ADGRG6: variants seen among roughly 807,000 people sequenced by gnomAD.
ADGRG6 encodes the protein G-protein coupled receptor 126.
A neutral mutation model predicts 142.4 loss-of-function variants in ADGRG6; 84 were observed. The observed-to-expected ratio is 0.59, with a 90% CI of 0.49 to 0.71. ADGRG6 has a LOEUF of 0.71. ADGRG6 is among the 30% of genes least tolerant of loss of function. The pLI is 0.00. For missense variants in ADGRG6, 1,367 were observed against 1,466.6 expected, an observed-to-expected ratio of 0.93 and a Z score of 1.11; for synonymous variants, 521 against 520.5, an observed-to-expected ratio of 1.00 and a Z score of -0.01.
At chr6:142,315,465 A>T (rs1778000071) in intron 2 of ADGRG6, among the ~76,000 whole-genome samples, 1 of 152,082 alleles carries the variant, frequency 6.6e-6, no homozygotes, top group Non-Finnish European at 1.5e-5. Context: ...ATGGGGAGGA[A>T]GGTTTTGAGG....
intron 4 of ADGRG6, among the ~76,000 whole-genome samples, chr6:142,377,078 AT>A (rs1562349931): frequency 6.6e-6 from 1 of 152,032 alleles, no homozygotes; most frequent in Admixed American, 6.6e-5. Flanking sequence ...CAGTGATTAC[AT>A]TTTTTTCAAG....
intron 2 of ADGRG6, among the ~76,000 whole-genome samples, chr6:142,324,813 T>C (rs1273584412): frequency 6.6e-6 from 1 of 152,108 alleles, no homozygotes. Flanking sequence ...CCCTTATTGT[T>C]AGTGCCTACA....
chr6:142,370,536 A>T lies in ADGRG6; in HGVS notation c.812A>T (p.Asn271Ile), dbSNP rs1781189955. 1.2e-6 allele frequency: 2 copies of T among 1,613,570 alleles called. No homozygotes were observed. The highest frequency in any genetic ancestry group is 3.3e-5 in the Admixed American group (2 of 60,000). ...LGSIGVNFKR[N>I]YETVPCDSTI... ...TCTATTGGTGTAAATTTCAAAAGAA[A>T]CTATGAAACAGTTCCATGTGATTCT... Residue 271 changes from asparagine to isoleucine, a missense_variant, in exon 4 of 25, where the codon AAC (asparagine) becomes ATC (isoleucine). By Grantham distance (149) the Asn-to-Ile change is moderately radical. Around this residue, in one of 3 missense-constraint regions of ADGRG6, gnomAD observed 737 missense variants for 746.5 expected, o/e 0.99. Transcript: ENST00000367609.
At chr6:142,374,012 A>G (rs577636040) in intron 4 of ADGRG6, among the ~76,000 whole-genome samples, 3 of 148,202 alleles carry the variant, frequency 2.0e-5, no homozygotes, top group Non-Finnish European at 1.5e-5. Context: ...CCTTGTTCTT[A>G]TAAATAAAGT....
rs539910893 is a variant in ADGRG6, at chr6:142,405,636, A to G, written c.2128-52A>G. ...CTAACTATACATGTGGAATAAAGTT[A>G]TTACCATTCAATTATGATTACTTGA... On this transcript the variant is annotated intron_variant, in intron 14 of 24. Transcript: ENST00000367609. The G allele has an allele frequency of 4.9e-5, 70 of 1,440,696 alleles. No individual in the cohort carries two copies. In the African/African-American group the frequency reaches 9.4e-4, roughly 19 times the overall value. 89.2% of individuals were successfully genotyped at this position (1,440,696 alleles called of 1,614,324 possible).
At chr6:142,364,487 A>G (rs1422052757) in intron 2 of ADGRG6, among the ~76,000 whole-genome samples, 1 of 152,154 alleles carries the variant, frequency 6.6e-6, no homozygotes, top group Non-Finnish European at 1.5e-5. Flanking sequence ...ATTTTAAGGC[A>G]CTAATTTTGT....
At chr6:142,401,742 G>A (rs774998734) in intron 11 of ADGRG6, among the ~76,000 whole-genome samples, 1 of 152,068 alleles carries the variant, frequency 6.6e-6, no homozygotes, top group Non-Finnish European at 1.5e-5. Context: ...GAGAAATGGA[G>A]AGAATTTGGG....
intron 18 of ADGRG6, among the ~76,000 whole-genome samples, chr6:142,413,695 C>G (rs1017280785): frequency 6.6e-6 from 1 of 152,098 alleles, no homozygotes; most frequent in Non-Finnish European, 1.5e-5. Flanking sequence ...CCAACTCAAA[C>G]CCCATCCCAT....
chr6:142,405,850 T>C (rs371741125), intron 15 of ADGRG6, 22 bp downstream of exon 15: 6 of 1,533,912 alleles, frequency 3.9e-6, no homozygotes, highest in African/African-American at 1.4e-5. Flanking sequence ...CATTAAATTA[T>C]TGTTTTTCAA....
At chr6:142,304,958 T>A (rs1368373281) in intron 1 of ADGRG6, among the ~76,000 whole-genome samples, 1 of 152,202 alleles carries the variant, frequency 6.6e-6, no homozygotes, top group Non-Finnish European at 1.5e-5. Flanking sequence ...GAAATGGAAT[T>A]ATCTGGAATG....
At chr6:142,417,750 T>G (rs1776439792) in intron 21 of ADGRG6, among the ~76,000 whole-genome samples, 1 of 152,146 alleles carries the variant, frequency 6.6e-6, no homozygotes, top group African/African-American at 2.4e-5. Context: ...GAGTGTTAGG[T>G]AGAAATTTAG....
At chr6:142,418,733 C>A (rs906367299) in intron 21 of ADGRG6, among the ~76,000 whole-genome samples, 17 of 151,996 alleles carry the variant, frequency 1.1e-4, no homozygotes, top group African/African-American at 3.9e-4. Flanking sequence ...CAGCTTTTGC[C>A]TTTGTGGAGG....
At chr6:142,320,443 CA>C (rs1264742230) in intron 2 of ADGRG6, among the ~76,000 whole-genome samples, 1 of 152,018 alleles carries the variant, frequency 6.6e-6, no homozygotes, top group Non-Finnish European at 1.5e-5. Flanking sequence ...ATATCAATAG[CA>C]CTGCTAACTT....
At chr6:142,318,973 T>C (rs898897304) in intron 2 of ADGRG6, among the ~76,000 whole-genome samples, 1 of 152,082 alleles carries the variant, frequency 6.6e-6, no homozygotes, top group Non-Finnish European at 1.5e-5. Context: ...GTAAGATTTG[T>C]GCAATTGCAG....
At chr6:142,330,848 C>CTCT (rs1387810091) in intron 2 of ADGRG6, among the ~76,000 whole-genome samples, 1 of 151,994 alleles carries the variant, frequency 6.6e-6, no homozygotes, top group African/African-American at 2.4e-5. Flanking sequence ...AATTGATTTT[C>CTCT]AATTTATTAT....
intron 2 of ADGRG6, among the ~76,000 whole-genome samples, chr6:142,341,463 TATA>T (rs1274798079): frequency 8.5e-5 from 10 of 118,192 alleles, no homozygotes; most frequent in African/African-American, 2.6e-4. Flanking sequence ...ATATAGTATA[TATA>T]ATATTATGTA....
chr6:142,347,325 G>A (rs923657003), intron 2 of ADGRG6, among the ~76,000 whole-genome samples: 1 of 152,110 alleles, frequency 6.6e-6, no homozygotes, highest in African/African-American at 2.4e-5. Context: ...TATTACCATA[G>A]TTTTTATATC....
Position 142,436,013 on chromosome 6 carries a change from C to T in ADGRG6, c.3320-1421C>T, listed in dbSNP as rs186240263. On this transcript the variant is annotated intron_variant, in intron 22 of 24. Transcript: ENST00000367609. ...TGTGTGTGTGTTTGAGGGTCATGAT[C>T]GCAAGGACTTCTGTTCAGGACATCT... Among the ~76,000 whole-genome samples the T allele has an allele frequency of 3.5e-3, 533 of 152,088 alleles. 2 individuals are homozygous for T. Among genetic ancestry groups the T allele is most frequent in the Non-Finnish European group, 5.6e-3 (383 of 67,982 alleles).
chr6:142,438,123 C>G, intron 23 of ADGRG6, 89 bp from the exon 24 acceptor site: 1 of 734,184 alleles, frequency 1.4e-6, no homozygotes, highest in Non-Finnish European at 2.2e-6. Context: ...ATCAGATGCT[C>G]CAGATAAATA....
Sources: allele counts gnomAD v4.1 joint callset (sites outside exome capture counted in the v4.1 genomes callset), GRCh38; gene constraint gnomAD v4.1.1; regional missense constraint gnomAD v4.1.1; transcripts MANE v1.5; gene names NCBI Gene and HGNC (gene_info 2026-07-23, HGNC 2026-07-21).